Variants in MAU2 observed in about 807,000 individuals in gnomAD.
MAU2 encodes MAU2 chromatid cohesion factor homolog.
MAU2 carries 9 observed loss-of-function variants against 89.1 expected under a neutral mutation model. The ratio of observed to expected loss-of-function variants is 0.10; its 90% CI spans 0.06 to 0.18. The LOEUF (loss-of-function observed/expected upper bound fraction) is 0.18. Ranked by LOEUF, MAU2 falls within the 10% of genes least tolerant of loss-of-function variation. MAU2 has a pLI of 1.00. For missense variants in MAU2, 425 were observed against 803.5 expected (o/e 0.53, Z 5.69); for synonymous variants, 357 against 343.4 (o/e 1.04, Z -0.44).
chr19:19,344,581 G>C (rs1205998393), intron 10 of MAU2: 5 of 549,748 alleles, frequency 9.1e-6, no homozygotes, highest in South Asian at 6.8e-5. Flanking sequence ...GAGAGGGCAT[G>C]GGGGCCCTCA....
intron 12 of MAU2, among the ~76,000 whole-genome samples, chr19:19,346,316 C>T (rs1321362123): frequency 1.3e-5 from 2 of 152,148 alleles, no homozygotes; most frequent in Non-Finnish European, 2.9e-5. Flanking sequence ...CTGCCATCTC[C>T]GTCTCCGTCT....
rs1376526879 is a variant in MAU2, at chr19:19,356,404, C to T, written c.*622C>T. 1 of 281,246 alleles carries T rather than the reference C, an allele frequency of 3.6e-6. No individual in the cohort carries two copies. Among genetic ancestry groups the T allele is most frequent in the Admixed American group, 4.9e-5 (1 of 20,610 alleles). 17.4% of individuals were successfully genotyped at this position (281,246 alleles called of 1,614,324 possible). On this transcript the variant is annotated 3_prime_UTR_variant, in exon 19 of 19. Transcript: ENST00000262815. ...CAGGAACTCAGCTTCCAAACATCTG[C>T]ACCTTGACCGGACTCGCCATCCCGC...
At chr19:19,355,484 C>T (rs62135557) in intron 18 of MAU2, 93 bp downstream of exon 18, 1 of 1,546,604 alleles carries the variant, frequency 6.5e-7, no homozygotes. Flanking sequence ...CTCTTTTGTC[C>T]AACAAACCCT....
intron 10 of MAU2, 36 bp downstream of exon 10, chr19:19,343,976 G>C: frequency 1.9e-6 from 3 of 1,544,480 alleles, no homozygotes; most frequent in Non-Finnish European, 2.7e-6. Context: ...GAAGGCCCAG[G>C]AGTTTGTTGG....
intron 1 of MAU2, among the ~76,000 whole-genome samples, chr19:19,322,608 G>GATA (rs934808536): frequency 4.5e-4 from 69 of 152,142 alleles, no homozygotes; most frequent in African/African-American, 1.6e-3. Context: ...AGAAAAAAAA[G>GATA]ATAATAAGGA....
intron 1 of MAU2, among the ~76,000 whole-genome samples, chr19:19,326,716 A>ATACG (rs1555792852): frequency 2.5e-5 from 3 of 118,480 alleles, no homozygotes; most frequent in Non-Finnish European, 5.3e-5. Flanking sequence ...ATATATATAT[A>ATACG]TATACATATA....
rs369999842 is a variant in MAU2 at position 19,343,931 on chromosome 19, G to A, written c.1068G>A (p.Ala356=). The A allele has an allele frequency of 1.6e-5, 26 of 1,611,792 alleles. No individual in the cohort carries two copies. The highest frequency in any genetic ancestry group is 1.9e-5 in the Non-Finnish European group (23 of 1,179,862). The change falls in exon 10 of 19, where the codon GCG becomes GCA. Residue 356 remains alanine, a synonymous_variant. Transcript: ENST00000262815. ...TTGTCACGGGTCACAAGGCCACGGC[G>A]CTGCAGGAGGTAAGGCTGGAAGCAG... ...CRLVTGHKAT[A]LQEISQVCQL... is the part of the protein sequence containing the mutation.
chr19:19,327,595 G>T (rs1426002617), intron 1 of MAU2, among the ~76,000 whole-genome samples: 2 of 152,116 alleles, frequency 1.3e-5, no homozygotes, highest in African/African-American at 2.4e-5. Flanking sequence ...AAAGTGCTGG[G>T]ATTACAGGCG....
In MAU2 at chr19:19,337,362, G is replaced by A. The variant is rs1481234751; in HGVS notation, c.456+97G>A. The stretch of plus-strand genomic sequence containing the variant: ...CAAAGAACAGCAGAGTCCACGATGC[G>A]CAGACCCCCTCGGGCTGGCACATGG... On this transcript the variant is annotated intron_variant, in intron 4 of 18. Transcript: ENST00000262815. The A allele has an allele frequency of 1.4e-5, 13 of 943,276 alleles. No individual in the cohort carries two copies. The East Asian group carries it at 2.5e-4, about 18-fold the overall frequency. 58.4% of individuals were successfully genotyped at this position (943,276 alleles called of 1,614,324 possible).
Position 19,341,273 on chromosome 19 carries a change from C to G in MAU2, c.601C>G (p.Leu201Val), listed in dbSNP as rs775575821. ...CCAGCTGCTGCTGATGGAGCGAAAG[C>G]TGCAGGAGGTGCACCCGCTGCTGAC... is the stretch of plus-strand genomic sequence containing the variant. ...KGMLLLMERK[L>V]QEVHPLLTLC... The change falls in exon 7 of 19, where the codon CTG becomes GTG. Residue 201 changes from leucine (L) to valine (V), a missense_variant. Physicochemically the swap from Leu to Val is conservative, Grantham distance 32. This residue lies in a region of MAU2 where 119 missense variants were observed against 299.8 expected (regional missense o/e 0.40). Transcript: ENST00000262815. 1 of 1,612,200 alleles carries G rather than the reference C, an allele frequency of 6.2e-7. No individual in the cohort carries two copies. Among genetic ancestry groups the G allele is most frequent in the Non-Finnish European group, 8.5e-7 (1 of 1,179,976 alleles).
intron 16 of MAU2, among the ~76,000 whole-genome samples, chr19:19,350,188 C>T (rs532838812): frequency 1.3e-4 from 20 of 150,512 alleles, no homozygotes; most frequent in African/African-American, 4.2e-4. Flanking sequence ...CCAAGCTACT[C>T]GGGAGGCTGA....
chr19:19,346,921 T>C, intron 12 of MAU2: 1 of 219,800 alleles, frequency 4.5e-6, no homozygotes, highest in Admixed American at 5.5e-5. Context: ...TTGATGGCAG[T>C]GGACACCTGG....
At chr19:19,340,537 G>T (rs1055380432) in intron 5 of MAU2, among the ~76,000 whole-genome samples, 5 of 151,992 alleles carry the variant, frequency 3.3e-5, no homozygotes, top group Non-Finnish European at 7.4e-5. Context: ...TACTCAGGAG[G>T]CTGAGGCAGG....
At chr19:19,327,065 CCT>C (rs2061515188) in intron 1 of MAU2, among the ~76,000 whole-genome samples, 1 of 150,826 alleles carries the variant, frequency 6.6e-6, no homozygotes, top group African/African-American at 2.4e-5. Flanking sequence ...CCTGCCTTGG[CCT>C]CTCAAAGTGC....
chr19:19,347,545 CG>C, intron 13 of MAU2, 179 bp downstream of exon 13: 1 of 573,064 alleles, frequency 1.7e-6, no homozygotes. Context: ...GGGCTATGGC[CG>C]GGGGAGGCCA....
chr19:19,329,216 C>A (rs144169273), intron 1 of MAU2: 2 of 436,132 alleles, frequency 4.6e-6, no homozygotes, highest in East Asian at 1.4e-4. Flanking sequence ...ATTCCGTGTC[C>A]CATCTGCAGG....
At chr19:19,336,835 G>A (rs2061600312) in intron 3 of MAU2, among the ~76,000 whole-genome samples, 1 of 152,208 alleles carries the variant, frequency 6.6e-6, no homozygotes, top group African/African-American at 2.4e-5. Context: ...GGGAATGTGT[G>A]TGCTTCACAC....
intron 5 of MAU2, among the ~76,000 whole-genome samples, chr19:19,340,075 G>T (rs1357880936): frequency 1.3e-5 from 2 of 151,228 alleles, no homozygotes; most frequent in Non-Finnish European, 2.9e-5. Context: ...TGAGGCGGGA[G>T]AATGGCATGA....
In MAU2 at chr19:19,341,353, G is replaced by T. The variant is rs763656038; in HGVS notation, c.681G>T (p.Ser227=). 82 of 1,613,714 alleles carry T rather than the reference G, an allele frequency of 5.1e-5. 2 individuals carry two copies. The Admixed American group carries it at 1.3e-3, about 26-fold the overall frequency. ...AGGGGAACCCCATCCAGAAGGAGTC[G>T]CTGCGTGTCTTCTTCCTGGTGCTCC... ...NWQGNPIQKE[S]LRVFFLVLQV... Residue 227 remains serine, a synonymous_variant, in exon 7 of 19, where the codon TCG becomes TCT. Transcript: ENST00000262815.
Sources: gnomAD v4.1 joint callset for allele counts (sites outside exome capture counted in the v4.1 genomes callset) on GRCh38, gnomAD v4.1.1 for gene constraint, gnomAD v4.1.1 regional missense constraint, MANE v1.5 for transcripts, NCBI Gene and HGNC (gene_info 2026-07-23, HGNC 2026-07-21) for gene names.